CNTN4: variants seen among roughly 807,000 people sequenced by gnomAD.
CNTN4 encodes contactin-4.
Under a neutral mutation model 122.5 loss-of-function variants are expected in CNTN4, and 77 were observed. That is an observed-to-expected ratio of 0.63 (90% CI 0.52 to 0.76). The LOEUF (loss-of-function observed/expected upper bound fraction) is 0.76. Ranked by LOEUF, CNTN4 falls within the 30% of genes least tolerant of loss-of-function variation. The probability of loss-of-function intolerance (pLI) is 0.00; values close to 1 mark genes in which losing one functional copy is unlikely to be tolerated. For missense variants in CNTN4, 1,256 were observed against 1,259.1 expected (o/e 1.00, Z 0.04); for synonymous variants, 512 against 447.0 (o/e 1.15, Z -1.83).
chr3:2,646,602 T>C (rs780853700), intron 4 of CNTN4, among the ~76,000 whole-genome samples: 2 of 152,212 alleles, frequency 1.3e-5, no homozygotes, highest in Admixed American at 6.5e-5. Flanking sequence ...TTTATTGTTA[T>C]CTATTAGTAA....
chr3:2,838,716 G>A (rs2093286311), intron 7 of CNTN4, among the ~76,000 whole-genome samples: 2 of 152,134 alleles, frequency 1.3e-5, no homozygotes, highest in Non-Finnish European at 2.9e-5. Flanking sequence ...TGCTCTGCTT[G>A]CAGTTCTGCC....
At chr3:2,178,745 G>C (rs74440665) in intron 2 of CNTN4, among the ~76,000 whole-genome samples, 3,487 of 151,988 alleles carry the variant, frequency 0.023, 48 homozygotes, top group Non-Finnish European at 0.038. Context: ...TCTTTTTTGG[G>C]GGGTAGGTAT....
intron 2 of CNTN4, among the ~76,000 whole-genome samples, chr3:2,120,523 C>T (rs1258686110): frequency 6.7e-6 from 1 of 150,296 alleles, no homozygotes; most frequent in Non-Finnish European, 1.5e-5. Context: ...CTGTCTCAGC[C>T]TCCCGAGTAG....
At chr3:2,333,963 A>G (rs2043839341) in intron 2 of CNTN4, among the ~76,000 whole-genome samples, 1 of 152,208 alleles carries the variant, frequency 6.6e-6, no homozygotes, top group Admixed American at 6.5e-5. Context: ...GGAAAATGCC[A>G]TCAATAAGTT....
chr3:2,656,334 T>C (rs2083590096), intron 4 of CNTN4, among the ~76,000 whole-genome samples: 1 of 152,228 alleles, frequency 6.6e-6, no homozygotes, highest in Admixed American at 6.5e-5. Flanking sequence ...TAACTACTTC[T>C]GCCCATGCAA....
intron 2 of CNTN4, among the ~76,000 whole-genome samples, chr3:2,335,539 C>T (rs1427000095): frequency 1.3e-5 from 2 of 151,142 alleles, no homozygotes; most frequent in Admixed American, 6.6e-5. Context: ...AGTTTCTTTC[C>T]CCCTGTAAAG....
intron 2 of CNTN4, among the ~76,000 whole-genome samples, chr3:2,209,495 A>G (rs960540249): frequency 2.0e-5 from 3 of 152,140 alleles, no homozygotes; most frequent in South Asian, 2.1e-4. Flanking sequence ...ATCTACGTGT[A>G]TAATGGTAAC....
intron 8 of CNTN4, among the ~76,000 whole-genome samples, chr3:2,873,141 C>T (rs2093805264): frequency 6.6e-6 from 1 of 152,134 alleles, no homozygotes; most frequent in Non-Finnish European, 1.5e-5. Context: ...CCAGACGTAC[C>T]AGCAGCTCTC....
chr3:2,659,739 T>G (rs1250523627), intron 4 of CNTN4, among the ~76,000 whole-genome samples: 1 of 152,218 alleles, frequency 6.6e-6, no homozygotes, highest in Non-Finnish European at 1.5e-5. Flanking sequence ...CTTTACAATT[T>G]GTCATAATAT....
At chr3:2,359,620 A>G (rs527445677) in intron 3 of CNTN4, among the ~76,000 whole-genome samples, 1 of 152,224 alleles carries the variant, frequency 6.6e-6, no homozygotes, top group African/African-American at 2.4e-5. Flanking sequence ...GCTCACTGCA[A>G]GCCCCGCCTC....
intron 2 of CNTN4, among the ~76,000 whole-genome samples, chr3:2,158,869 C>A (rs973938678): frequency 2.0e-5 from 3 of 152,078 alleles, no homozygotes; most frequent in Non-Finnish European, 4.4e-5. Context: ...AGAGTGAAAT[C>A]TCCAGCTTTA....
chr3:2,241,104 T>G (rs1194654997), intron 2 of CNTN4, among the ~76,000 whole-genome samples: 1 of 152,150 alleles, frequency 6.6e-6, no homozygotes, highest in Non-Finnish European at 1.5e-5. Flanking sequence ...TATAAACAAA[T>G]TTTAAGGAAA....
intron 12 of CNTN4, among the ~76,000 whole-genome samples, chr3:2,915,030 C>G (rs111260092): frequency 5.9e-5 from 9 of 152,068 alleles, no homozygotes; most frequent in Admixed American, 5.2e-4. Flanking sequence ...CGTGATCGTT[C>G]CAATTGATGA....
rs145451618 is a variant in CNTN4 at position 2,913,439 on chromosome 3, C to T, written c.1207+10434C>T. ...GAGACACACTTTAGATCTAGGGTTA[C>T]ACGCAAGCTGAAAATGAAAGAATAG... On this transcript the variant is annotated intron_variant, in intron 12 of 24. Transcript: ENST00000418658. Among the ~76,000 whole-genome samples the T allele has an allele frequency of 3.3e-3, 500 of 152,256 alleles. 6 individuals carry two copies. Among genetic ancestry groups the T allele is most frequent in the African/African-American group, 0.011 (470 of 41,562 alleles).
At chr3:2,125,460 T>A (rs1196316214) in intron 2 of CNTN4, among the ~76,000 whole-genome samples, 1 of 152,190 alleles carries the variant, frequency 6.6e-6, no homozygotes, top group East Asian at 1.9e-4. Context: ...CCAATGATCA[T>A]GGGAGTGCAG....
chr3:2,568,994 C>A (rs1559247886), intron 3 of CNTN4, among the ~76,000 whole-genome samples: 1 of 152,036 alleles, frequency 6.6e-6, no homozygotes, highest in Non-Finnish European at 1.5e-5. Flanking sequence ...TTATTAATAC[C>A]CTGATCATTT....
At chr3:2,150,433 G>A (rs768895153) in intron 2 of CNTN4, among the ~76,000 whole-genome samples, 4 of 151,830 alleles carry the variant, frequency 2.6e-5, no homozygotes, top group Non-Finnish European at 5.9e-5. Flanking sequence ...TTGGATATTT[G>A]AAACTATAAG....
chr3:2,947,697 C>A (rs1287899907), intron 13 of CNTN4, among the ~76,000 whole-genome samples: 1 of 152,186 alleles, frequency 6.6e-6, no homozygotes, highest in Non-Finnish European at 1.5e-5. Context: ...ACCCTCTTCC[C>A]AGATTGTATT....
intron 2 of CNTN4, among the ~76,000 whole-genome samples, chr3:2,146,632 A>G (rs1304904466): frequency 6.6e-6 from 1 of 152,080 alleles, no homozygotes; most frequent in Non-Finnish European, 1.5e-5. Context: ...TAACTCCCTA[A>G]TGGTTGTAGC....
Sources: allele counts gnomAD v4.1 joint callset (sites outside exome capture counted in the v4.1 genomes callset), GRCh38; gene constraint gnomAD v4.1.1; transcripts MANE v1.5; gene names NCBI Gene and HGNC (gene_info 2026-07-23, HGNC 2026-07-21).